The following LRRC4C variants were observed in gnomAD, a reference collection of about 807,000 sequenced individuals.
LRRC4C encodes leucine-rich repeat-containing protein 4C.
A neutral mutation model predicts 33.6 loss-of-function variants in LRRC4C; 5 were observed. The ratio of observed to expected loss-of-function variants is 0.15; its 90% CI spans 0.08 to 0.31. The LOEUF is 0.31. Ranked by LOEUF, LRRC4C falls within the 10% of genes least tolerant of loss-of-function variation. The probability of loss-of-function intolerance (pLI) is 1.00; values close to 1 mark genes in which losing one functional copy is unlikely to be tolerated. For synonymous variants in LRRC4C, 329 were observed against 302.0 expected (o/e 1.09, Z -0.93); for missense variants, 560 against 796.7 (o/e 0.70, Z 3.58).
rs150951947 is a variant in LRRC4C, at chr11:40,220,581, A to T, written c.-96+20938T>A. Among the ~76,000 whole-genome samples, 49 of 152,310 alleles carry T rather than the reference A, an allele frequency of 3.2e-4. No individual in the cohort carries two copies. The East Asian group carries it at 9.5e-3, about 29-fold the overall frequency. ...AATACTGTACAGAATCATGTAAAATATATTAAAGATCCATCTTGTTGGCAA... is the reference window on the plus strand; with the variant it reads ...AATACTGTACAGAATCATGTAAAATTTATTAAAGATCCATCTTGTTGGCAA... On this transcript the variant is annotated intron_variant, in intron 5 of 6. Coordinates refer to ENST00000528697, the MANE Select transcript of LRRC4C (RefSeq NM_001258419.2).
chr11:40,231,240 C>T (rs1452478), intron 5 of LRRC4C, among the ~76,000 whole-genome samples: 116,179 of 152,068 alleles, frequency 0.76, 48,759 homozygotes, highest in East Asian at 0.96. Flanking sequence ...AACTTCACGA[C>T]TAGCATTCAC....
intron 1 of LRRC4C, among the ~76,000 whole-genome samples, chr11:41,333,663 G>A (rs11036360): frequency 0.055 from 8,368 of 152,110 alleles, 298 homozygotes; most frequent in South Asian, 0.084. Context: ...GAGCTAAATG[G>A]CCTTTTATTC....
At chr11:41,364,561 C>T (rs913104508) in intron 1 of LRRC4C, among the ~76,000 whole-genome samples, 1 of 152,080 alleles carries the variant, frequency 6.6e-6, no homozygotes, top group Non-Finnish European at 1.5e-5. Flanking sequence ...CAGGCATGAG[C>T]CACTGTGCAG....
chr11:41,334,104 G>A (rs1255656616), intron 1 of LRRC4C, among the ~76,000 whole-genome samples: 2 of 152,206 alleles, frequency 1.3e-5, no homozygotes, highest in Admixed American at 6.5e-5. Flanking sequence ...GTTATCGTAA[G>A]AGGCGTGGAA....
At chr11:41,400,575 T>C (rs1953986924) in intron 1 of LRRC4C, among the ~76,000 whole-genome samples, 1 of 36,704 alleles carries the variant, frequency 2.7e-5, no homozygotes, top group African/African-American at 1.3e-4. Context: ...GGAGAAGAAA[T>C]AGGAGATATT....
At chr11:40,691,472 G>A (rs751186453) in intron 2 of LRRC4C, among the ~76,000 whole-genome samples, 1 of 152,080 alleles carries the variant, frequency 6.6e-6, no homozygotes, top group Non-Finnish European at 1.5e-5. Flanking sequence ...GTATTATTAT[G>A]CCTTCAGGCA....
intron 3 of LRRC4C, among the ~76,000 whole-genome samples, chr11:40,568,611 G>A (rs1255313024): frequency 6.6e-6 from 1 of 151,892 alleles, no homozygotes; most frequent in Non-Finnish European, 1.5e-5. Flanking sequence ...AGATTTAGGG[G>A]ACTTGATTGA....
At chr11:40,936,835 C>T (rs1183433107) in intron 1 of LRRC4C, among the ~76,000 whole-genome samples, 1 of 152,104 alleles carries the variant, frequency 6.6e-6, no homozygotes, top group South Asian at 2.1e-4. Context: ...GGGATGCCAA[C>T]CTAGACAGCT....
chr11:40,351,957 T>C (rs1947411405), intron 3 of LRRC4C, among the ~76,000 whole-genome samples: 1 of 152,068 alleles, frequency 6.6e-6, no homozygotes, highest in South Asian at 2.1e-4. Context: ...GTAACAAATA[T>C]TTTAAAATTA....
chr11:40,306,023 A>G (rs751188393), intron 4 of LRRC4C, among the ~76,000 whole-genome samples: 20 of 152,210 alleles, frequency 1.3e-4, no homozygotes, highest in Non-Finnish European at 2.5e-4. Flanking sequence ...AATGTGACCA[A>G]CGAAACAGAA....
intron 2 of LRRC4C, among the ~76,000 whole-genome samples, chr11:40,660,660 T>C (rs1245588205): frequency 6.6e-6 from 1 of 152,130 alleles, no homozygotes; most frequent in African/African-American, 2.4e-5. Flanking sequence ...TCCTGATTCT[T>C]AGAGTCCAGC....
At chr11:40,259,871 T>A (rs1867549301) in intron 4 of LRRC4C, among the ~76,000 whole-genome samples, 1 of 152,020 alleles carries the variant, frequency 6.6e-6, no homozygotes, top group African/African-American at 2.4e-5. Context: ...CTCACACCAG[T>A]TAGAATGTCG....
chr11:40,189,941 G>A (rs749480177), intron 5 of LRRC4C, among the ~76,000 whole-genome samples: 7 of 152,134 alleles, frequency 4.6e-5, no homozygotes, highest in Non-Finnish European at 8.8e-5. Flanking sequence ...ACTGCCTATA[G>A]TTACTCAATA....
chr11:40,454,377 A>G (rs1332197680), intron 3 of LRRC4C, among the ~76,000 whole-genome samples: 5 of 152,052 alleles, frequency 3.3e-5, no homozygotes, highest in African/African-American at 9.7e-5. Flanking sequence ...TACAGGTAGT[A>G]AACTTAGAGA....
chr11:41,194,602 G>T (rs1946103000), intron 1 of LRRC4C, among the ~76,000 whole-genome samples: 1 of 152,094 alleles, frequency 6.6e-6, no homozygotes, highest in Non-Finnish European at 1.5e-5. Flanking sequence ...GAGGCCTTGA[G>T]ACTCTTAGCT....
intron 5 of LRRC4C, among the ~76,000 whole-genome samples, chr11:40,150,257 A>G (rs1191061220): frequency 1.3e-5 from 2 of 152,220 alleles, no homozygotes; most frequent in Non-Finnish European, 2.9e-5. Flanking sequence ...CAACTTAATT[A>G]TGTACACAAA....
intron 2 of LRRC4C, among the ~76,000 whole-genome samples, chr11:40,755,430 A>G (rs1162403435): frequency 6.6e-6 from 1 of 152,104 alleles, no homozygotes; most frequent in African/African-American, 2.4e-5. Context: ...GGATGCAAAC[A>G]CTGGGAAGTC....
intron 1 of LRRC4C, among the ~76,000 whole-genome samples, chr11:41,438,595 T>C (rs1955516330): frequency 6.6e-6 from 1 of 152,148 alleles, no homozygotes. Context: ...AGAATATTGA[T>C]GCTGAAGCAC....
intron 2 of LRRC4C, among the ~76,000 whole-genome samples, chr11:40,780,899 G>A (rs533333071): frequency 1.3e-5 from 2 of 152,056 alleles, no homozygotes; most frequent in African/African-American, 4.8e-5. Flanking sequence ...AAGAAAAAGG[G>A]ATCAGTGAAA....
Sources: allele counts gnomAD v4.1 joint callset (sites outside exome capture counted in the v4.1 genomes callset), GRCh38; gene constraint gnomAD v4.1.1; transcripts MANE v1.5; gene names NCBI Gene and HGNC (gene_info 2026-07-23, HGNC 2026-07-21).